Variants in TMEM232 observed in about 807,000 individuals in gnomAD.
TMEM232 encodes the protein transmembrane protein 232.
Under a neutral mutation model 78.8 loss-of-function variants are expected in TMEM232, and 80 were observed. That is an observed-to-expected ratio of 1.01 (90% confidence interval 0.85 to 1.22). The LOEUF (loss-of-function observed/expected upper bound fraction) is 1.22. Among genes scored for constraint, TMEM232 ranks in the 50% most tolerant of loss-of-function variants. The pLI, the probability that TMEM232 is intolerant of heterozygous loss-of-function variation, is 0.00. For missense variants in TMEM232, 881 were observed against 742.2 expected, an observed-to-expected ratio of 1.19 and a Z score of -2.17; for synonymous variants, 297 against 254.3, an observed-to-expected ratio of 1.17 and a Z score of -1.60.
At chr5:110,671,139 T>C (rs1228054243) in intron 1 of TMEM232, among the ~76,000 whole-genome samples, 1 of 151,894 alleles carries the variant, frequency 6.6e-6, no homozygotes, top group African/African-American at 2.4e-5. Context: ...CCAACAAACA[T>C]ATGATAAAAA....
At chr5:110,432,272 T>C (rs1169250141) in intron 12 of TMEM232, among the ~76,000 whole-genome samples, 2 of 151,672 alleles carry the variant, frequency 1.3e-5, no homozygotes, top group African/African-American at 4.8e-5. Flanking sequence ...CCCATCAGAC[T>C]AACAGAACCC....
At chr5:110,425,250 C>T (rs1254692729) in intron 12 of TMEM232, among the ~76,000 whole-genome samples, 2 of 152,062 alleles carry the variant, frequency 1.3e-5, no homozygotes, top group Admixed American at 1.3e-4. Flanking sequence ...GATTTCAATA[C>T]ATTTCCAAAG....
At chr5:110,487,069 G>A (rs1464280970) in intron 12 of TMEM232, among the ~76,000 whole-genome samples, 1 of 151,348 alleles carries the variant, frequency 6.6e-6, no homozygotes, top group East Asian at 1.9e-4. Flanking sequence ...TTTTTTTGTA[G>A]CTATTGTAAA....
chr5:110,727,337 C>T (rs567473005), upstream of TMEM232, among the ~76,000 whole-genome samples: 1 of 152,188 alleles, frequency 6.6e-6, no homozygotes, highest in Admixed American at 6.5e-5. Flanking sequence ...GTAGGCCGGG[C>T]GCAGTGGCTC....
rs115500559 is a variant in TMEM232 at position 110,402,951 on chromosome 5, T to C, written n.309-5097A>G. ...TGACCACTACAGAAGCTGTTCACTATAATCTAATGTCTTTAATTTCTACAG... is the reference window on the plus strand; with the variant it reads ...TGACCACTACAGAAGCTGTTCACTACAATCTAATGTCTTTAATTTCTACAG... On this transcript the variant is annotated intron_variant and non_coding_transcript_variant, in intron 2 of 8. Coordinates refer to the TMEM232 transcript ENST00000507188. Among the ~76,000 whole-genome samples, 1,252 of 152,198 alleles carry C rather than the reference T, an allele frequency of 8.2e-3. 18 individuals carry two copies. The highest frequency in any genetic ancestry group is 0.029 in the African/African-American group (1,187 of 41,548).
intron 12 of TMEM232, among the ~76,000 whole-genome samples, chr5:110,439,953 TA>T (rs1308453855): frequency 6.6e-6 from 1 of 152,140 alleles, no homozygotes; most frequent in Non-Finnish European, 1.5e-5. Flanking sequence ...TAGCAGATAT[TA>T]ATCTGTGTGG....
chr5:110,582,240 C>T (rs1459716277), intron 10 of TMEM232, among the ~76,000 whole-genome samples: 3 of 151,824 alleles, frequency 2.0e-5, no homozygotes, highest in Non-Finnish European at 2.9e-5. Context: ...TCCATAATAG[C>T]AAAGACATGG....
At chr5:110,628,633 C>A (rs1038590253) in intron 5 of TMEM232, among the ~76,000 whole-genome samples, 1 of 149,182 alleles carries the variant, frequency 6.7e-6, no homozygotes, top group Non-Finnish European at 1.5e-5. Flanking sequence ...TGGAGAAGAC[C>A]CAAATAACAG....
intron 1 of TMEM232, among the ~76,000 whole-genome samples, chr5:110,696,839 G>T (rs542657907): frequency 6.6e-6 from 1 of 152,226 alleles, no homozygotes; most frequent in Non-Finnish European, 1.5e-5. Context: ...TCATGGGTAG[G>T]AAGAATCAAT....
chr5:110,682,355 A>G (rs1561506546), intron 1 of TMEM232, among the ~76,000 whole-genome samples: 2 of 152,128 alleles, frequency 1.3e-5, no homozygotes, highest in Non-Finnish European at 2.9e-5. Flanking sequence ...AAAATAAGCA[A>G]AACCTTCCCT....
chr5:110,508,790 G>A (rs918295380), intron 12 of TMEM232, among the ~76,000 whole-genome samples: 3 of 147,350 alleles, frequency 2.0e-5, no homozygotes, highest in Non-Finnish European at 4.5e-5. Flanking sequence ...TATATGCTTT[G>A]TTTATTGGAT....
At chr5:110,701,551 A>G (rs1795440047) in intron 1 of TMEM232, among the ~76,000 whole-genome samples, 2 of 152,034 alleles carry the variant, frequency 1.3e-5, no homozygotes, top group East Asian at 3.8e-4. Flanking sequence ...CCAAGCTCTC[A>G]TACTCTTTTG....
intron 7 of TMEM232, among the ~76,000 whole-genome samples, chr5:110,620,664 T>C (rs1441131282): frequency 1.5e-5 from 2 of 129,686 alleles, no homozygotes; most frequent in African/African-American, 2.9e-5. Flanking sequence ...TCTCTCCTCC[T>C]CTCTCTCTCT....
intron 2 of TMEM232, among the ~76,000 whole-genome samples, chr5:110,410,610 A>G (rs1489746724): frequency 2.0e-5 from 3 of 152,238 alleles, no homozygotes; most frequent in African/African-American, 7.2e-5. Context: ...TCTATATTTA[A>G]TAGTTCTCAT....
intron 10 of TMEM232, among the ~76,000 whole-genome samples, chr5:110,604,219 A>G (rs912537251): frequency 2.0e-5 from 3 of 152,180 alleles, no homozygotes; most frequent in Non-Finnish European, 4.4e-5. Context: ...ATTTTTCACA[A>G]TAAATCTGTA....
intron 1 of TMEM232, among the ~76,000 whole-genome samples, chr5:110,708,232 T>C (rs1448458125): frequency 1.3e-5 from 2 of 152,160 alleles, no homozygotes; most frequent in East Asian, 1.9e-4. Flanking sequence ...CTGAATAGTA[T>C]ATATCTGGTG....
chr5:110,653,422 A>G (rs1788604871), intron 2 of TMEM232, among the ~76,000 whole-genome samples: 1 of 152,202 alleles, frequency 6.6e-6, no homozygotes, highest in Admixed American at 6.6e-5. Flanking sequence ...AGTTATAAGC[A>G]TTACTCTTTT....
At chr5:110,582,163 T>C (rs1307825666) in intron 10 of TMEM232, among the ~76,000 whole-genome samples, 1 of 151,954 alleles carries the variant, frequency 6.6e-6, no homozygotes, top group African/African-American at 2.4e-5. Flanking sequence ...ACTGCGTATA[T>C]ACCCAGAAGA....
intron 12 of TMEM232, among the ~76,000 whole-genome samples, chr5:110,517,303 A>G (rs1768820264): frequency 6.6e-6 from 1 of 152,210 alleles, no homozygotes; most frequent in South Asian, 2.1e-4. Flanking sequence ...GGAGCTAGCT[A>G]TGGAACTTTT....
Sources: gnomAD v4.1 joint callset for allele counts (sites outside exome capture counted in the v4.1 genomes callset) on GRCh38, gnomAD v4.1.1 for gene constraint, MANE v1.5 for transcripts, NCBI Gene and HGNC (gene_info 2026-07-23, HGNC 2026-07-21) for gene names.